Variants in LNPEP observed in about 807,000 individuals in gnomAD.
LNPEP encodes leucyl-cystinyl aminopeptidase.
Under a neutral mutation model 120.6 loss-of-function variants are expected in LNPEP, and 64 were observed. The observed-to-expected ratio is 0.53, with a 90% CI of 0.43 to 0.65. LNPEP has a LOEUF of 0.65. LNPEP is among the 30% of genes least tolerant of loss of function. The pLI is 0.00. For missense variants in LNPEP, 1,057 were observed against 1,200.0 expected, an observed-to-expected ratio of 0.88 and a Z score of 1.76; for synonymous variants, 435 against 425.4, an observed-to-expected ratio of 1.02 and a Z score of -0.28.
chr5:96,966,670 T>C (rs1361184167), intron 1 of LNPEP, among the ~76,000 whole-genome samples: 1 of 152,014 alleles, frequency 6.6e-6, no homozygotes, highest in Non-Finnish European at 1.5e-5. Context: ...TGTCTACTTA[T>C]ATTATTGTAG....
rs777520607 is a variant in LNPEP at position 97,013,694 on chromosome 5, AAACATG to A, written c.2085_2090del (p.Met696_Asn697del). ...AAGTGCTGTGGGTCAAAGTGAATAT[AAACATG>A]AATGGTTATTATATTGTACACTATG... On this transcript the variant is annotated inframe_deletion, in exon 12 of 18. Coordinates refer to ENST00000231368, the MANE Select transcript of LNPEP (RefSeq NM_005575.3). 2.0e-5 allele frequency: 32 copies of A among 1,595,578 alleles called. No homozygotes were observed. The highest frequency in any genetic ancestry group is 2.7e-5 in the Non-Finnish European group (32 of 1,171,310).
chr5:96,986,510 CAGAA>C (rs766389335), intron 3 of LNPEP, 25 bp from the exon 4 acceptor site: 1 of 1,601,310 alleles, frequency 6.2e-7, no homozygotes, highest in Non-Finnish European at 8.5e-7. Context: ...CCTATAGTTA[CAGAA>C]CTGTCTTTTC....
At chr5:97,027,081 C>T (rs1791358278) in intron 16 of LNPEP, among the ~76,000 whole-genome samples, 3 of 152,130 alleles carry the variant, frequency 2.0e-5, no homozygotes, top group Non-Finnish European at 2.9e-5. Flanking sequence ...TGGCCGGGCG[C>T]GGTGGCTCAC....
At chr5:96,939,604 G>GT (rs1018169585) in intron 1 of LNPEP, among the ~76,000 whole-genome samples, 224 of 129,260 alleles carry the variant, frequency 1.7e-3, no homozygotes, top group Admixed American at 6.3e-3. Context: ...AACATAAATA[G>GT]TTTTTTTTTT....
At chr5:97,007,413 AC>A (rs1276855854) in intron 11 of LNPEP, among the ~76,000 whole-genome samples, 1 of 152,166 alleles carries the variant, frequency 6.6e-6, no homozygotes. Context: ...TAGTAATTAT[AC>A]TTACTTTATG....
Position 96,964,718 on chromosome 5 carries a change from G to C in LNPEP, c.20-14420G>C, listed in dbSNP as rs150670936. Among the ~76,000 whole-genome samples, 1,394 of 152,154 alleles carry C rather than the reference G, an allele frequency of 9.2e-3. 30 individuals carry two copies. Among genetic ancestry groups the C allele is most frequent in the East Asian group, 0.067 (346 of 5,180 alleles). ...AATAAGTATTTTGGACTTTTGATATGTATTGACGAGGCATGATTTTAAGAA... is the reference window on the plus strand; with the variant it reads ...AATAAGTATTTTGGACTTTTGATATCTATTGACGAGGCATGATTTTAAGAA... On this transcript the variant is annotated intron_variant, in intron 1 of 17. Transcript: ENST00000231368.
rs530252599 is a variant in LNPEP, at chr5:97,023,832, C to A, written c.2562-689C>A. On this transcript the variant is annotated intron_variant, in intron 14 of 17. Transcript: ENST00000231368. Reference sequence around the variant, plus strand: ...TTGTTTTCTACAGCAGCTGCACCATCATTCCAATTTCTCTACATCCTTGCC... The same window carrying A: ...TTGTTTTCTACAGCAGCTGCACCATAATTCCAATTTCTCTACATCCTTGCC... Among the ~76,000 whole-genome samples the A allele has an allele frequency of 2.4e-4, 36 of 152,330 alleles. 2 individuals carry two copies. In the South Asian group the frequency reaches 5.8e-3, roughly 25 times the overall value.
chr5:97,006,314 T>A, intron 10 of LNPEP, 81 bp downstream of exon 10: 1 of 1,360,112 alleles, frequency 7.4e-7, no homozygotes, highest in African/African-American at 1.5e-5. Context: ...AATCATAAGT[T>A]CTTGTGAAAC....
rs574496013 is a variant in LNPEP at position 96,997,612 on chromosome 5, A to G, written c.1522-402A>G. On this transcript the variant is annotated intron_variant, in intron 7 of 17. Transcript: ENST00000231368. Reference sequence around the variant, plus strand: ...TCTTAGTAGAAATTCTAGACTATATATAAGAAATCAGCGTAAGGACCAGTT... The same window carrying G: ...TCTTAGTAGAAATTCTAGACTATATGTAAGAAATCAGCGTAAGGACCAGTT... Among the ~76,000 whole-genome samples the G allele has an allele frequency of 2.0e-5, 3 of 152,246 alleles. No homozygotes were observed. The South Asian group carries it at 6.2e-4, about 32-fold the overall frequency.
intron 1 of LNPEP, among the ~76,000 whole-genome samples, chr5:96,947,511 C>T (rs572992779): frequency 6.6e-6 from 1 of 152,188 alleles, no homozygotes; most frequent in African/African-American, 2.4e-5. Context: ...TATTTATTCC[C>T]GTGCTATTTG....
At chr5:96,997,894 A>T in intron 7 of LNPEP, 120 bp from the exon 8 acceptor site, 1 of 639,270 alleles carries the variant, frequency 1.6e-6, no homozygotes, top group Non-Finnish European at 2.6e-6. Context: ...AAGTTTAGTG[A>T]CACTGGTCAT....
intron 11 of LNPEP, among the ~76,000 whole-genome samples, chr5:97,007,110 A>C (rs911560439): frequency 6.6e-6 from 1 of 152,246 alleles, no homozygotes; most frequent in Non-Finnish European, 1.5e-5. Flanking sequence ...GTTAAATACC[A>C]CTATGAATGT....
rs1790517610 is a variant in LNPEP, at chr5:96,996,400, A to G, written c.1418A>G (p.Asn473Ser). ...AHELAHQWFG[N>S]LVTMKWWNDL... The stretch of plus-strand genomic sequence containing the variant: ...TTTCTCTCCCCCCAGTGGTTTGGCA[A>G]TCTGGTAACAATGAAGTGGTGGAAT... The change falls in exon 7 of 18, where the codon AAT (asparagine) becomes AGT (serine). Residue 473 changes from asparagine to serine, a missense_variant. Asn to Ser is a conservative substitution (Grantham distance 46). Coordinates refer to ENST00000231368, the MANE Select transcript of LNPEP (RefSeq NM_005575.3). 1 of 1,603,408 alleles carries G rather than the reference A, an allele frequency of 6.2e-7. No homozygotes were observed. The highest frequency in any genetic ancestry group is 8.5e-7 in the Non-Finnish European group (1 of 1,170,506).
rs866422138 is a variant in LNPEP at position 96,979,394 on chromosome 5, A to T, written c.276A>T (p.Ala92=). 4.3e-6 allele frequency: 7 copies of T among 1,614,116 alleles called. No individual in the cohort carries two copies. The Middle Eastern group carries it at 1.2e-3, about 266-fold the overall frequency. The change falls in exon 2 of 18, where the codon GCA becomes GCT. Residue 92 remains alanine, a synonymous_variant. Coordinates refer to ENST00000231368, the MANE Select transcript of LNPEP (RefSeq NM_005575.3). ...MNRSSGLRNS[A]TGYRQSPDGA... Reference sequence around the variant, plus strand: ...GAAGCTCAGGCCTTCGGAACAGTGCAACTGGTTACAGGCAGAGCCCAGATG... The same window carrying T: ...GAAGCTCAGGCCTTCGGAACAGTGCTACTGGTTACAGGCAGAGCCCAGATG...
intron 1 of LNPEP, among the ~76,000 whole-genome samples, chr5:96,944,004 A>C (rs945410372): frequency 6.6e-6 from 1 of 152,194 alleles, no homozygotes; most frequent in Non-Finnish European, 1.5e-5. Flanking sequence ...AAGAATGAGG[A>C]GTGCAGTGAG....
chr5:97,013,734 G>A lies in LNPEP; in HGVS notation c.2122G>A (p.Asp708Asn). 6 of 1,611,086 alleles carry A rather than the reference G, an allele frequency of 3.7e-6. No homozygotes were observed. The highest frequency in any genetic ancestry group is 5.1e-6 in the Non-Finnish European group (6 of 1,177,762). ...TTATATTGTACACTATGCAGATGAT[G>A]ATTGGGAAGCACTAATCCATCAGTT... The part of the protein sequence containing the change: ...GYYIVHYADD[D>N]WEALIHQLKI... The change falls in exon 12 of 18, where the codon GAT (aspartate) becomes AAT (asparagine). Residue 708 changes from aspartate (D) to asparagine (N), a missense_variant. Physicochemically the swap from Asp to Asn is conservative, Grantham distance 23 (BLOSUM62 1). Transcript: ENST00000231368.
chr5:97,022,930 CAT>C (rs1791247107), intron 14 of LNPEP, among the ~76,000 whole-genome samples: 1 of 151,652 alleles, frequency 6.6e-6, no homozygotes, highest in Non-Finnish European at 1.5e-5. Context: ...ATACACATAA[CAT>C]AAAATTTACT....
rs1210026176 is a variant in LNPEP, at chr5:97,036,929, G to T, written c.*8396G>T. The T allele has an allele frequency of 2.0e-5, 3 of 152,102 alleles. No individual in the cohort carries two copies. The highest frequency in any genetic ancestry group is 2.0e-4 in the Admixed American group (3 of 15,254). The allele number at this position is 152,102 out of a possible 1,614,324, so 9.4% of individuals were successfully genotyped here. On this transcript the variant is annotated 3_prime_UTR_variant, in exon 18 of 18. Coordinates refer to ENST00000231368, the MANE Select transcript of LNPEP (RefSeq NM_005575.3). Reference sequence around the variant, plus strand: ...TAGTCATTAGTGATATTTCTGAACAGTTCTTAATTTAAAATACTTCAAAGG... The same window carrying T: ...TAGTCATTAGTGATATTTCTGAACATTTCTTAATTTAAAATACTTCAAAGG...
chr5:97,010,676 T>C, intron 11 of LNPEP: 1 of 985,338 alleles, frequency 1.0e-6, no homozygotes, highest in Non-Finnish European at 1.2e-6. Context: ...TTACTTCATC[T>C]GGGCTTCTGC....
Sources: allele counts gnomAD v4.1 joint callset (sites outside exome capture counted in the v4.1 genomes callset), GRCh38; gene constraint gnomAD v4.1.1; transcripts MANE v1.5; gene names NCBI Gene and HGNC (gene_info 2026-07-23, HGNC 2026-07-21).